Variants in EEFSEC observed in about 807,000 individuals in gnomAD.
EEFSEC encodes selenocysteine-specific elongation factor.
In EEFSEC, 43 loss-of-function variants were observed where a neutral mutation model predicts 42.1. The observed-to-expected ratio is 1.02, with a 90% CI of 0.80 to 1.32. EEFSEC has a LOEUF of 1.32. EEFSEC is among the 40% of genes most tolerant of loss of function. The pLI is 0.00. For missense variants in EEFSEC, 745 were observed against 803.6 expected, an observed-to-expected ratio of 0.93 and a Z score of 0.88; for synonymous variants, 354 against 339.1, an observed-to-expected ratio of 1.04 and a Z score of -0.48.
chr3:128,189,174 T>TGGA (rs2065495698), intron 1 of EEFSEC, among the ~76,000 whole-genome samples: 1 of 152,212 alleles, frequency 6.6e-6, no homozygotes. Flanking sequence ...TCTGGCCATG[T>TGGA]GGAGGAGGAG....
At chr3:128,385,733 G>C (rs1380702218) in intron 6 of EEFSEC, among the ~76,000 whole-genome samples, 1 of 152,236 alleles carries the variant, frequency 6.6e-6, no homozygotes, top group Non-Finnish European at 1.5e-5. Context: ...TCACGATCTG[G>C]CTCATGAGGC....
intron 4 of EEFSEC, among the ~76,000 whole-genome samples, chr3:128,280,641 G>T (rs1183868051): frequency 6.6e-6 from 1 of 152,204 alleles, no homozygotes; most frequent in Admixed American, 6.5e-5. Context: ...GCACCAGTTG[G>T]CATTTGCCCT....
intron 4 of EEFSEC, among the ~76,000 whole-genome samples, chr3:128,265,978 T>C (rs2066350009): frequency 1.3e-5 from 2 of 152,192 alleles, no homozygotes; most frequent in South Asian, 4.1e-4. Flanking sequence ...GCTTATACTA[T>C]TATAAAACCT....
At chr3:128,229,040 A>G (rs1388601501) in intron 1 of EEFSEC, among the ~76,000 whole-genome samples, 1 of 152,124 alleles carries the variant, frequency 6.6e-6, no homozygotes, top group East Asian at 1.9e-4. Flanking sequence ...CTGGGGCTAT[A>G]TTGAGACTCA....
chr3:128,370,628 T>C (rs566846062), intron 6 of EEFSEC, among the ~76,000 whole-genome samples: 4 of 152,160 alleles, frequency 2.6e-5, no homozygotes, highest in Non-Finnish European at 5.9e-5. Flanking sequence ...TCTTTCTCCC[T>C]CTCCCCGACC....
intron 6 of EEFSEC, among the ~76,000 whole-genome samples, chr3:128,369,797 A>G (rs115847510): frequency 0.019 from 2,825 of 152,270 alleles, 95 homozygotes; most frequent in African/African-American, 0.063. Context: ...CCTTGGCTTC[A>G]ACAATTGCTC....
At chr3:128,335,646 G>A (rs2067181955) in intron 4 of EEFSEC, among the ~76,000 whole-genome samples, 1 of 152,214 alleles carries the variant, frequency 6.6e-6, no homozygotes, top group Admixed American at 6.5e-5. Flanking sequence ...GGAGAGCCTG[G>A]AGGCAAACCC....
intron 4 of EEFSEC, among the ~76,000 whole-genome samples, chr3:128,338,265 C>T (rs1438943187): frequency 6.6e-6 from 1 of 152,172 alleles, no homozygotes; most frequent in East Asian, 1.9e-4. Flanking sequence ...GAATGCTGTG[C>T]GCCAAATTCA....
At chr3:128,346,752 G>T (rs911036447) in intron 5 of EEFSEC, among the ~76,000 whole-genome samples, 1 of 152,158 alleles carries the variant, frequency 6.6e-6, no homozygotes, top group Admixed American at 6.5e-5. Context: ...ACTCAACTCT[G>T]CCACTGTGAC....
chr3:128,360,760 C>T (rs2107592637), intron 6 of EEFSEC, among the ~76,000 whole-genome samples: 1 of 152,052 alleles, frequency 6.6e-6, no homozygotes, highest in East Asian at 1.9e-4. Flanking sequence ...GGTATAGGGA[C>T]ACTGCCTCAG....
At chr3:128,405,418 T>C (rs2068097558) in intron 6 of EEFSEC, among the ~76,000 whole-genome samples, 1 of 152,152 alleles carries the variant, frequency 6.6e-6, no homozygotes, top group South Asian at 2.1e-4. Flanking sequence ...TCACTCTGAG[T>C]GGAGAGCAGA....
chr3:128,389,650 G>A (rs781124220), intron 6 of EEFSEC, among the ~76,000 whole-genome samples: 8 of 152,390 alleles, frequency 5.2e-5, no homozygotes, highest in African/African-American at 1.4e-4. Flanking sequence ...CAGGAAGATC[G>A]GGAGGGTTTT....
chr3:128,258,977 GC>G (rs1444024608), intron 2 of EEFSEC, among the ~76,000 whole-genome samples: 1 of 152,132 alleles, frequency 6.6e-6, no homozygotes, highest in African/African-American at 2.4e-5. Context: ...TTAAATCACA[GC>G]CCCACCACTC....
At chr3:128,349,354 C>T (rs1270231956) in intron 5 of EEFSEC, among the ~76,000 whole-genome samples, 1 of 152,190 alleles carries the variant, frequency 6.6e-6, no homozygotes, top group South Asian at 2.1e-4. Context: ...TCTCACCTAC[C>T]CTTCTGTATC....
chr3:128,304,757 G>A (rs1399242795), intron 4 of EEFSEC, among the ~76,000 whole-genome samples: 1 of 151,126 alleles, frequency 6.6e-6, no homozygotes, highest in East Asian at 1.9e-4. Flanking sequence ...AGACTGGAAT[G>A]CAATGGTGCG....
At chr3:128,374,025 C>T (rs1233274757) in intron 6 of EEFSEC, among the ~76,000 whole-genome samples, 1 of 152,190 alleles carries the variant, frequency 6.6e-6, no homozygotes, top group Non-Finnish European at 1.5e-5. Context: ...GGCCATTAGA[C>T]CTGGACCAGC....
chr3:128,340,495 G>C (rs1369257401), intron 4 of EEFSEC, among the ~76,000 whole-genome samples: 1 of 151,870 alleles, frequency 6.6e-6, no homozygotes, highest in African/African-American at 2.4e-5. Flanking sequence ...GTTGTTTCAA[G>C]ATATTAAGCT....
intron 1 of EEFSEC, among the ~76,000 whole-genome samples, chr3:128,201,282 T>G (rs1374056947): frequency 6.6e-6 from 1 of 152,096 alleles, no homozygotes; most frequent in Non-Finnish European, 1.5e-5. Flanking sequence ...CTACACTCAC[T>G]TTCCTGCCAG....
At chr3:128,405,017 CTT>C (rs397794836) in intron 6 of EEFSEC, among the ~76,000 whole-genome samples, 17 of 140,390 alleles carry the variant, frequency 1.2e-4, no homozygotes, top group Non-Finnish European at 1.1e-4. Context: ...ACCCTTGTCA[CTT>C]TTTTTTTTTT....
Sources: allele counts gnomAD v4.1 joint callset (sites outside exome capture counted in the v4.1 genomes callset), GRCh38; gene constraint gnomAD v4.1.1; transcripts MANE v1.5; gene names NCBI Gene and HGNC (gene_info 2026-07-23, HGNC 2026-07-21).